WDR7: variants seen among roughly 807,000 people sequenced by gnomAD.
The protein encoded by WDR7 is WD repeat domain 7, also known as WD repeat-containing protein 7.
Under a neutral mutation model 169.4 loss-of-function variants are expected in WDR7, and 46 were observed. The observed-to-expected ratio is 0.27, with a 90% CI of 0.21 to 0.35. The LOEUF is 0.35. Among genes scored for constraint, WDR7 ranks in the 10% least tolerant of loss-of-function variants. WDR7 has a pLI of 1.00. For missense variants in WDR7, 1,534 were observed against 1,859.3 expected, an observed-to-expected ratio of 0.83 and a Z score of 3.22; for synonymous variants, 612 against 666.8, an observed-to-expected ratio of 0.92 and a Z score of 1.27.
intron 1 of WDR7, among the ~76,000 whole-genome samples, chr18:56,655,103 G>A (rs1448112362): frequency 6.6e-6 from 1 of 152,014 alleles, no homozygotes; most frequent in Non-Finnish European, 1.5e-5. Context: ...ACTTTATTTT[G>A]ATATAATTAT....
At chr18:56,769,443 C>T (rs1043562198) in intron 16 of WDR7, among the ~76,000 whole-genome samples, 1 of 152,182 alleles carries the variant, frequency 6.6e-6, no homozygotes, top group Non-Finnish European at 1.5e-5. Flanking sequence ...AAGTGATCCT[C>T]CCACCCCAAC....
intron 15 of WDR7, 86 bp downstream of exon 15, chr18:56,757,438 G>A (rs1195129084): frequency 1.6e-5 from 21 of 1,340,800 alleles, no homozygotes; most frequent in Non-Finnish European, 1.8e-5. Flanking sequence ...CTCTTTTTTG[G>A]CTCTACACAA....
chr18:56,679,499 T>G, intron 3 of WDR7, 61 bp downstream of exon 3: 1 of 1,235,736 alleles, frequency 8.1e-7, no homozygotes, highest in East Asian at 2.5e-5. Flanking sequence ...ACCAATGCCT[T>G]GTAAGTAGCG....
intron 26 of WDR7, among the ~76,000 whole-genome samples, chr18:56,995,947 G>A (rs2047893854): frequency 6.6e-6 from 1 of 152,160 alleles, no homozygotes; most frequent in Admixed American, 6.5e-5. Context: ...CACAGAGCAG[G>A]TGGTTGGAAT....
intron 20 of WDR7, among the ~76,000 whole-genome samples, chr18:56,843,857 C>CTTTTTTTTTTTTTTTTTTTTTT (rs776575088): frequency 7.4e-6 from 1 of 134,330 alleles, no homozygotes. Context: ...TTTTTTCTTT[C>CTTTTTTTTTTTTTTTTTTTTTT]TTTTTTTTTT....
intron 14 of WDR7, among the ~76,000 whole-genome samples, chr18:56,734,524 G>GAAA (rs111344360): frequency 2.8e-4 from 21 of 76,174 alleles, no homozygotes; most frequent in Non-Finnish European, 5.7e-4. Context: ...CACTGCTTTT[G>GAAA]AAAAAAAAAA....
intron 20 of WDR7, among the ~76,000 whole-genome samples, chr18:56,829,595 A>G (rs1027837158): frequency 1.3e-5 from 2 of 152,210 alleles, no homozygotes; most frequent in African/African-American, 4.8e-5. Context: ...ACTGAAATAT[A>G]AAGAGAATCA....
Position 56,938,537 on chromosome 18 carries a change from A to G in WDR7, c.3836A>G (p.His1279Arg), listed in dbSNP as rs2046990012. The part of the protein sequence containing the change: ...AFITTIAKEV[H>R]RHTALAANTQ... ...CAGCATAGAAATGTTTTGTAGGTAC[A>G]CAGACATACGGCTCTTGCAGCAAAT... is the stretch of plus-strand genomic sequence containing the variant. Residue 1279 changes from histidine (H) to arginine (R), a missense_variant, in exon 24 of 28, where the codon CAC becomes CGC. His to Arg is a conservative substitution (Grantham distance 29). Transcript: ENST00000254442. 3.7e-6 allele frequency: 6 copies of G among 1,613,932 alleles called. No individual in the cohort carries two copies. Among genetic ancestry groups the G allele is most frequent in the Non-Finnish European group, 5.1e-6 (6 of 1,179,842 alleles).
chr18:56,813,250 G>C (rs2145204976), intron 19 of WDR7, among the ~76,000 whole-genome samples: 1 of 150,630 alleles, frequency 6.6e-6, no homozygotes, highest in South Asian at 2.1e-4. Flanking sequence ...TTTCTAAAAT[G>C]TGTGTATGTG....
At chr18:56,900,165 G>C (rs1482352762) in intron 21 of WDR7, among the ~76,000 whole-genome samples, 6 of 150,742 alleles carry the variant, frequency 4.0e-5, no homozygotes, top group Non-Finnish European at 7.4e-5. Flanking sequence ...ACTGTTATCA[G>C]AAATTTTATC....
chr18:56,915,367 A>T (rs149452946), intron 21 of WDR7, among the ~76,000 whole-genome samples: 21 of 152,370 alleles, frequency 1.4e-4, no homozygotes, highest in Admixed American at 2.6e-4. Flanking sequence ...ATAAGTGGCC[A>T]ATCATTATTA....
intron 5 of WDR7, among the ~76,000 whole-genome samples, chr18:56,684,062 G>C (rs1483493322): frequency 2.6e-5 from 4 of 152,174 alleles, no homozygotes; most frequent in African/African-American, 9.7e-5. Context: ...GTCCAGATCA[G>C]ATGAAGTCTG....
chr18:56,857,278 G>A (rs764083879), intron 20 of WDR7, among the ~76,000 whole-genome samples: 2 of 151,340 alleles, frequency 1.3e-5, no homozygotes, highest in Non-Finnish European at 2.9e-5. Flanking sequence ...TTCTTTTTTC[G>A]AAGCAGGGTC....
chr18:56,964,379 G>A (rs1465467417), intron 26 of WDR7, among the ~76,000 whole-genome samples: 5 of 151,604 alleles, frequency 3.3e-5, no homozygotes, highest in African/African-American at 7.3e-5. Context: ...TTTTTGTTTT[G>A]TTTGTTTTTG....
At chr18:56,858,343 A>G (rs529229539) in intron 20 of WDR7, among the ~76,000 whole-genome samples, 1 of 152,236 alleles carries the variant, frequency 6.6e-6, no homozygotes, top group East Asian at 1.9e-4. Context: ...TGTCAGAATG[A>G]TCTTCCTAAT....
chr18:56,809,787 T>G (rs1174722738), intron 19 of WDR7, among the ~76,000 whole-genome samples: 1 of 152,146 alleles, frequency 6.6e-6, no homozygotes, highest in Non-Finnish European at 1.5e-5. Flanking sequence ...GTATGTTTTT[T>G]TAACAAGCTA....
chr18:56,846,271 T>C (rs1457573129), intron 20 of WDR7, among the ~76,000 whole-genome samples: 1 of 152,108 alleles, frequency 6.6e-6, no homozygotes, highest in Non-Finnish European at 1.5e-5. Context: ...AATGGTGGTA[T>C]GGTTTGGCTG....
chr18:56,699,816 A>G, intron 12 of WDR7: 2 of 985,390 alleles, frequency 2.0e-6, no homozygotes, highest in Non-Finnish European at 2.4e-6. Flanking sequence ...AAAGTGAAAA[A>G]CTGTCTGCTA....
chr18:56,945,629 C>T (rs528630865), intron 25 of WDR7, among the ~76,000 whole-genome samples: 2 of 152,274 alleles, frequency 1.3e-5, no homozygotes, highest in South Asian at 2.1e-4. Flanking sequence ...AGAGTACTTG[C>T]TCCCTGTCAG....
Sources: allele counts gnomAD v4.1 joint callset (sites outside exome capture counted in the v4.1 genomes callset), GRCh38; gene constraint gnomAD v4.1.1; transcripts MANE v1.5; gene names NCBI Gene and HGNC (gene_info 2026-07-23, HGNC 2026-07-21).